The following ANO3 variants were observed in gnomAD, a reference collection of about 807,000 sequenced individuals.
The protein encoded by ANO3 is anoctamin 3.
Under a neutral mutation model 144.8 loss-of-function variants are expected in ANO3, and 99 were observed. The observed-to-expected ratio is 0.68, with a 90% CI of 0.58 to 0.81. The LOEUF is 0.81. Among genes scored for constraint, ANO3 ranks in the 30% least tolerant of loss-of-function variants. The pLI is 0.00. For missense variants in ANO3, 905 were observed against 1,202.2 expected, an observed-to-expected ratio of 0.75 and a Z score of 3.66; for synonymous variants, 414 against 392.6, an observed-to-expected ratio of 1.05 and a Z score of -0.64.
At chr11:26,364,709 G>T (rs1174773781) in intron 1 of ANO3, among the ~76,000 whole-genome samples, 1 of 152,076 alleles carries the variant, frequency 6.6e-6, no homozygotes, top group Non-Finnish European at 1.5e-5. Context: ...TAGCACCAAG[G>T]GGATGGTGCT....
At chr11:26,291,781 G>C (rs1391867953) in intron 1 of ANO3, among the ~76,000 whole-genome samples, 3 of 152,210 alleles carry the variant, frequency 2.0e-5, no homozygotes, top group African/African-American at 7.2e-5. Context: ...GAGATCTGCT[G>C]TTAGTCTGAT....
At chr11:26,194,489 T>TGTGTGTGTGTG (rs772353732) in intron 1 of ANO3, among the ~76,000 whole-genome samples, 68 of 146,890 alleles carry the variant, frequency 4.6e-4, no homozygotes, top group African/African-American at 1.3e-3. Context: ...TGTGTGTGTA[T>TGTGTGTGTGTG]TATTTATTTA....
intron 18 of ANO3, among the ~76,000 whole-genome samples, chr11:26,631,901 C>T (rs985631350): frequency 4.6e-5 from 7 of 151,880 alleles, no homozygotes; most frequent in African/African-American, 9.7e-5. Flanking sequence ...GTATTTAGAC[C>T]GGGCATGGTG....
chr11:26,344,309 AG>A (rs1487637609), intron 1 of ANO3, among the ~76,000 whole-genome samples: 3 of 152,152 alleles, frequency 2.0e-5, no homozygotes, highest in African/African-American at 7.2e-5. Flanking sequence ...CCCTAAGAAT[AG>A]ACAAGAAATT....
chr11:26,315,662 TATCTATCTATCTATCTATCTATCC>T (rs542600774), intron 1 of ANO3, among the ~76,000 whole-genome samples: 2,441 of 142,778 alleles, frequency 0.017, 44 homozygotes, highest in East Asian at 0.1. Flanking sequence ...TCTGTCTGTC[TATCTATCTATCTATCTATCTATCC>T]ATCTATCTAT....
chr11:26,602,902 A>G (rs756357501), intron 17 of ANO3, among the ~76,000 whole-genome samples: 36 of 152,178 alleles, frequency 2.4e-4, no homozygotes, highest in Non-Finnish European at 4.9e-4. Flanking sequence ...GAAAACTCTC[A>G]AGAAAATGTA....
intron 1 of ANO3, among the ~76,000 whole-genome samples, chr11:26,399,114 C>T (rs770430811): frequency 2.0e-5 from 3 of 151,902 alleles, no homozygotes; most frequent in Non-Finnish European, 4.4e-5. Flanking sequence ...CAAACTGGCT[C>T]GAAATCTGGT....
chr11:26,217,341 A>G (rs773383240), intron 1 of ANO3, among the ~76,000 whole-genome samples: 8 of 151,968 alleles, frequency 5.3e-5, no homozygotes, highest in Non-Finnish European at 1.2e-4. Context: ...CCATCTATCA[A>G]TCTCTATCCC....
chr11:26,333,002 T>C (rs1367359996), intron 1 of ANO3, among the ~76,000 whole-genome samples: 2 of 152,204 alleles, frequency 1.3e-5, no homozygotes, highest in Non-Finnish European at 2.9e-5. Context: ...CTTTGTTTCT[T>C]ATTTGGTTTA....
At chr11:26,379,342 G>A (rs183591273) in intron 1 of ANO3, among the ~76,000 whole-genome samples, 226 of 152,264 alleles carry the variant, frequency 1.5e-3, no homozygotes, top group African/African-American at 5.1e-3. Flanking sequence ...AGTGTGATGT[G>A]ATCTATTTTC....
intron 1 of ANO3, among the ~76,000 whole-genome samples, chr11:26,395,655 T>A (rs1407147523): frequency 6.6e-6 from 1 of 152,158 alleles, no homozygotes; most frequent in Non-Finnish European, 1.5e-5. Context: ...TCTACAACCA[T>A]CTGATCTTTG....
chr11:26,278,040 C>T (rs11029458), intron 1 of ANO3, among the ~76,000 whole-genome samples: 4,495 of 152,152 alleles, frequency 0.03, 213 homozygotes, highest in African/African-American at 0.1. Flanking sequence ...CATCCACTCT[C>T]CATCATTTTA....
intron 4 of ANO3, among the ~76,000 whole-genome samples, chr11:26,502,785 C>T (rs1336695230): frequency 2.6e-5 from 4 of 151,146 alleles, no homozygotes; most frequent in Middle Eastern, 3.2e-3. Flanking sequence ...TTTTCTTTAG[C>T]CCTACAGTTT....
At chr11:26,458,186 A>T (rs1383799297) in intron 3 of ANO3, among the ~76,000 whole-genome samples, 1 of 152,122 alleles carries the variant, frequency 6.6e-6, no homozygotes, top group Non-Finnish European at 1.5e-5. Flanking sequence ...ATTTCATAAA[A>T]ATAAGGATCT....
intron 4 of ANO3, among the ~76,000 whole-genome samples, chr11:26,487,640 T>C (rs186379105): frequency 5.2e-4 from 79 of 152,092 alleles, no homozygotes; most frequent in African/African-American, 1.9e-3. Flanking sequence ...ATGCCGATAG[T>C]GATATGAGCA....
intron 14 of ANO3, chr11:26,560,316 C>T (rs1327023367): frequency 6.6e-6 from 1 of 151,808 alleles, no homozygotes; most frequent in East Asian, 1.9e-4. Context: ...CCATGATTCT[C>T]ATTGAGTTTT....
chr11:26,443,964 G>A, intron 3 of ANO3, 128 bp downstream of exon 3: 1 of 517,750 alleles, frequency 1.9e-6, no homozygotes, highest in Non-Finnish European at 3.4e-6. Flanking sequence ...TAATAGGTGA[G>A]TATAATATTC....
At chr11:26,352,766 T>C (rs558497542) in intron 1 of ANO3, among the ~76,000 whole-genome samples, 1 of 152,370 alleles carries the variant, frequency 6.6e-6, no homozygotes, top group East Asian at 1.9e-4. Context: ...TTTGTAGGTA[T>C]GTATTCTGGT....
chr11:26,427,628 A>G (rs1302148693), intron 1 of ANO3, among the ~76,000 whole-genome samples: 1 of 152,162 alleles, frequency 6.6e-6, no homozygotes, highest in African/African-American at 2.4e-5. Flanking sequence ...CCAGTGACTA[A>G]TCAGCAAACA....
Sources: gnomAD v4.1 joint callset for allele counts (sites outside exome capture counted in the v4.1 genomes callset) on GRCh38, gnomAD v4.1.1 for gene constraint, MANE v1.5 for transcripts, NCBI Gene and HGNC (gene_info 2026-07-23, HGNC 2026-07-21) for gene names.